The following H2AC16 variants were observed in gnomAD, a reference collection of about 807,000 sequenced individuals.
H2AC16 encodes the protein histone H2A type 1.
In H2AC16, 11 loss-of-function variants were observed where a neutral mutation model predicts 6.6. The observed-to-expected ratio is 1.67, with a 90% CI of 1.05 to 2.77. The LOEUF is 2.77. Among genes scored for constraint, H2AC16 ranks in the 30% most tolerant of loss-of-function variants. H2AC16 has a pLI of 0.00. For synonymous variants in H2AC16, 131 were observed against 80.8 expected (o/e 1.62, Z -3.33); for missense variants, 212 against 177.1 (o/e 1.20, Z -1.12).
rs746511146 is a variant in H2AC16 at position 27,865,458 on chromosome 6, TC to T, written c.106del (p.Arg36AlafsTer24). ...CCCGTGGGCCGAGTGCACCGACTGC[TC>T]CGCAAGGGCAACTATGCTGAGCGGG... Reference protein sequence around the residue: ...QFPVGRVHRLLRKGNYAERVG... With the variant: ...QFPVGRVHRLXRKGNYAERVG... On this transcript the variant is annotated frameshift_variant, in exon 1 of 1. Transcript: ENST00000613174. LOFTEE classifies it high-confidence loss of function. The T allele has an allele frequency of 1.9e-6, 3 of 1,613,834 alleles. No homozygotes were observed. The highest frequency in any genetic ancestry group is 2.5e-6 in the Non-Finnish European group (3 of 1,179,942).
At position 27,865,439 on chromosome 6, in the gene H2AC16, G is replaced by A. The variant is rs1417395042; in HGVS notation, c.85G>A (p.Gly29Ser). The change falls in exon 1 of 1, where the codon GGC (glycine) becomes AGC (serine). Residue 29 changes from glycine to serine, a missense_variant. Physicochemically the swap from Gly to Ser is moderately conservative, Grantham distance 56. Transcript: ENST00000613174. The part of the protein sequence containing the change: ...SSRAGLQFPV[G>S]RVHRLLRKGN... ...TCGTGCCGGTCTCCAGTTCCCCGTG[G>A]GCCGAGTGCACCGACTGCTCCGCAA... 1 of 1,614,000 alleles carries A rather than the reference G, an allele frequency of 6.2e-7. No homozygotes were observed. Among genetic ancestry groups the A allele is most frequent in the Admixed American group, 1.7e-5 (1 of 60,014 alleles).
At position 27,865,768 on chromosome 6, in the gene H2AC16, C is replaced by G. The variant is rs1761488588; in HGVS notation, c.*21C>G. The G allele has an allele frequency of 6.2e-7, 1 of 1,608,690 alleles. No homozygotes were observed. Among genetic ancestry groups the G allele is most frequent in the Admixed American group, 1.7e-5 (1 of 59,730 alleles). The stretch of plus-strand genomic sequence containing the variant: ...AATAATGTCTCCATAGAATCACTTT[C>G]CAATACAACGGCTCTTTTCAGAGCC... On this transcript the variant is annotated 3_prime_UTR_variant, in exon 1 of 1. Coordinates refer to ENST00000613174, the MANE Select transcript of H2AC16 (RefSeq NM_003511.3).
In H2AC16 at chr6:27,865,397, G is replaced by T. The variant is rs764241965; in HGVS notation, c.43G>T (p.Ala15Ser). 1.5e-5 allele frequency: 24 copies of T among 1,613,074 alleles called. No individual in the cohort carries two copies. The highest frequency in any genetic ancestry group is 2.0e-5 in the Non-Finnish European group (23 of 1,179,294). ...GKQGGKARAKAKTRSSRAGLQ... is the reference protein window; with the variant it reads ...GKQGGKARAKSKTRSSRAGLQ... The stretch of plus-strand genomic sequence containing the variant: ...GCAGGGAGGCAAAGCTCGCGCCAAA[G>T]CCAAGACCCGCTCTTCTCGTGCCGG... Residue 15 changes from alanine to serine, a missense_variant, in exon 1 of 1, where the codon GCC (alanine) becomes TCC (serine). By Grantham distance (99) the Ala-to-Ser change is moderately conservative (BLOSUM62 1). Coordinates refer to ENST00000613174, the MANE Select transcript of H2AC16 (RefSeq NM_003511.3).
chr6:27,865,448 C>T lies in H2AC16; in HGVS notation c.94C>T (p.His32Tyr), dbSNP rs1333055793. The change falls in exon 1 of 1, where the codon CAC becomes TAC. Residue 32 changes from histidine (H) to tyrosine (Y), a missense_variant. His to Tyr is a moderately conservative substitution (Grantham distance 83). Transcript: ENST00000613174. ...AGLQFPVGRV[H>Y]RLLRKGNYAE... ...TCTCCAGTTCCCCGTGGGCCGAGTGCACCGACTGCTCCGCAAGGGCAACTA... is the reference window on the plus strand; with the variant it reads ...TCTCCAGTTCCCCGTGGGCCGAGTGTACCGACTGCTCCGCAAGGGCAACTA... 1 of 1,614,038 alleles carries T rather than the reference C, an allele frequency of 6.2e-7. No individual in the cohort carries two copies. The highest frequency in any genetic ancestry group is 8.5e-7 in the Non-Finnish European group (1 of 1,179,946).
rs1252851769 is a variant in H2AC16, at chr6:27,865,474, T to C, written c.120T>C (p.Tyr40=). 5 of 1,614,022 alleles carry C rather than the reference T, an allele frequency of 3.1e-6. No homozygotes were observed. Among genetic ancestry groups the C allele is most frequent in the Admixed American group, 1.7e-5 (1 of 60,014 alleles). ...RVHRLLRKGN[Y]AERVGAGAPV... is the part of the protein sequence containing the mutation. ...ACCGACTGCTCCGCAAGGGCAACTATGCTGAGCGGGTCGGGGCCGGCGCGC... is the reference window on the plus strand; with the variant it reads ...ACCGACTGCTCCGCAAGGGCAACTACGCTGAGCGGGTCGGGGCCGGCGCGC... Residue 40 remains tyrosine (Y), a synonymous_variant, in exon 1 of 1, where the codon TAT becomes TAC. Transcript: ENST00000613174.
Position 27,865,678 on chromosome 6 carries a change from C to T in H2AC16, c.324C>T (p.Val108=), listed in dbSNP as rs1174298510. ...LGKVTIAQGG[V]LPNIQAVLLP... ...AAGTAACCATCGCTCAGGGTGGTGT[C>T]CTGCCCAACATCCAGGCTGTGCTAC... is the stretch of plus-strand genomic sequence containing the variant. Residue 108 remains valine (V), a synonymous_variant, in exon 1 of 1, where the codon GTC becomes GTT. Coordinates refer to ENST00000613174, the MANE Select transcript of H2AC16 (RefSeq NM_003511.3). 1.5e-5 allele frequency: 25 copies of T among 1,614,058 alleles called. No homozygotes were observed. Among genetic ancestry groups the T allele is most frequent in the Non-Finnish European group, 2.1e-5 (25 of 1,180,046 alleles).
At position 27,865,753 on chromosome 6, in the gene H2AC16, C is replaced by T. The variant is rs375707461; in HGVS notation, c.*6C>T. 3 of 1,612,208 alleles carry T rather than the reference C, an allele frequency of 1.9e-6. No individual in the cohort carries two copies. The highest frequency in any genetic ancestry group is 1.7e-5 in the Admixed American group (1 of 59,920). On this transcript the variant is annotated 3_prime_UTR_variant, in exon 1 of 1. Coordinates refer to ENST00000613174, the MANE Select transcript of H2AC16 (RefSeq NM_003511.3). The stretch of plus-strand genomic sequence containing the variant: ...ACAAGGCCAAAGGCAAATAATGTCT[C>T]CATAGAATCACTTTCCAATACAACG...
rs552803151 is a variant in H2AC16 at position 27,865,323 on chromosome 6, T to C, written c.-32T>C. On this transcript the variant is annotated 5_prime_UTR_variant, in exon 1 of 1. Transcript: ENST00000613174. ...AGCTCTGGTGAACTTCTCTCGGCTG[T>C]TCTCAGTTCCTCCATTTATCGTTTC... 6.3e-7 allele frequency: 1 copy of C among 1,578,892 alleles called. No individual in the cohort carries two copies. The highest frequency in any genetic ancestry group is 1.2e-5 in the South Asian group (1 of 85,960).
rs932869497 is a variant in H2AC16, at chr6:27,865,491, C to T, written c.137C>T (p.Ala46Val). The T allele has an allele frequency of 9.3e-6, 15 of 1,613,822 alleles. No individual in the cohort carries two copies. Among genetic ancestry groups the T allele is most frequent in the Admixed American group, 5.0e-5 (3 of 59,998 alleles). ...GGCAACTATGCTGAGCGGGTCGGGGCCGGCGCGCCGGTGTACCTGGCGGCG... is the reference window on the plus strand; with the variant it reads ...GGCAACTATGCTGAGCGGGTCGGGGTCGGCGCGCCGGTGTACCTGGCGGCG... ...RKGNYAERVG[A>V]GAPVYLAAVL... Residue 46 changes from alanine (A) to valine (V), a missense_variant, in exon 1 of 1, where the codon GCC becomes GTC. Physicochemically the swap from Ala to Val is moderately conservative, Grantham distance 64. Coordinates refer to ENST00000613174, the MANE Select transcript of H2AC16 (RefSeq NM_003511.3).
At position 27,865,644 on chromosome 6, in the gene H2AC16, T is replaced by C; in HGVS notation, c.290T>C (p.Leu97Pro). Residue 97 changes from leucine (L) to proline (P), a missense_variant, in exon 1 of 1, where the codon CTG becomes CCG. Coordinates refer to ENST00000613174, the MANE Select transcript of H2AC16 (RefSeq NM_003511.3). ...AIRNDEELNK[L>P]LGKVTIAQGG... is the part of the protein sequence containing the mutation. Reference sequence around the variant, plus strand: ...CGCAACGACGAGGAGCTCAACAAGCTGCTGGGCAAAGTAACCATCGCTCAG... The same window carrying C: ...CGCAACGACGAGGAGCTCAACAAGCCGCTGGGCAAAGTAACCATCGCTCAG... 1 of 1,614,260 alleles carries C rather than the reference T, an allele frequency of 6.2e-7. No homozygotes were observed. The highest frequency in any genetic ancestry group is 8.5e-7 in the Non-Finnish European group (1 of 1,180,042).
In H2AC16 at chr6:27,865,408, C is replaced by G; in HGVS notation, c.54C>G (p.Arg18=). The part of the protein sequence containing the change: ...GGKARAKAKT[R]SSRAGLQFPV... ...AAGCTCGCGCCAAAGCCAAGACCCG[C>G]TCTTCTCGTGCCGGTCTCCAGTTCC... Residue 18 remains arginine (R), a synonymous_variant, in exon 1 of 1, where the codon CGC becomes CGG. Transcript: ENST00000613174. 1.2e-6 allele frequency: 2 copies of G among 1,613,530 alleles called. No individual in the cohort carries two copies. Among genetic ancestry groups the G allele is most frequent in the Middle Eastern group, 1.7e-4 (1 of 6,056 alleles).
In H2AC16 at chr6:27,865,486, C is replaced by T. The variant is rs775345207; in HGVS notation, c.132C>T (p.Val44=). ...LLRKGNYAER[V]GAGAPVYLAA... ...GCAAGGGCAACTATGCTGAGCGGGT[C>T]GGGGCCGGCGCGCCGGTGTACCTGG... The change falls in exon 1 of 1, where the codon GTC becomes GTT. Residue 44 remains valine, a synonymous_variant. Transcript: ENST00000613174. 3.1e-6 allele frequency: 5 copies of T among 1,613,942 alleles called. No homozygotes were observed. Among genetic ancestry groups the T allele is most frequent in the Admixed American group, 1.7e-5 (1 of 60,020 alleles).
chr6:27,865,465 G>C lies in H2AC16; in HGVS notation c.111G>C (p.Lys37Asn). ...GCCGAGTGCACCGACTGCTCCGCAA[G>C]GGCAACTATGCTGAGCGGGTCGGGG... is the stretch of plus-strand genomic sequence containing the variant. ...PVGRVHRLLR[K>N]GNYAERVGAG... Residue 37 changes from lysine to asparagine, a missense_variant, in exon 1 of 1, where the codon AAG becomes AAC. Coordinates refer to ENST00000613174, the MANE Select transcript of H2AC16 (RefSeq NM_003511.3). 6.2e-7 allele frequency: 1 copy of C among 1,614,062 alleles called. No individual in the cohort carries two copies. The highest frequency in any genetic ancestry group is 8.5e-7 in the Non-Finnish European group (1 of 1,179,952).
At position 27,865,515 on chromosome 6, in the gene H2AC16, C is replaced by A. The variant is rs141399242; in HGVS notation, c.161C>A (p.Ala54Glu). The A allele has an allele frequency of 9.3e-6, 15 of 1,614,102 alleles. No individual in the cohort carries two copies. The South Asian group carries it at 1.6e-4, about 18-fold the overall frequency. ...VGAGAPVYLA[A>E]VLEYLTAEIL... ...GCCGGCGCGCCGGTGTACCTGGCGG[C>A]GGTGCTGGAGTACCTGACTGCCGAG... Residue 54 changes from alanine to glutamate, a missense_variant, in exon 1 of 1, where the codon GCG (alanine) becomes GAG (glutamate). By Grantham distance (107) the Ala-to-Glu change is moderately radical. Coordinates refer to ENST00000613174, the MANE Select transcript of H2AC16 (RefSeq NM_003511.3).
chr6:27,865,375 G>C lies in H2AC16; in HGVS notation c.21G>C (p.Gln7His). 1.2e-6 allele frequency: 2 copies of C among 1,608,462 alleles called. No individual in the cohort carries two copies. The highest frequency in any genetic ancestry group is 2.2e-5 in the South Asian group (2 of 90,852). MSGRGK[Q>H]GGKARAKAKT... The stretch of plus-strand genomic sequence containing the variant: ...TCGTCATGTCGGGACGCGGCAAGCA[G>C]GGAGGCAAAGCTCGCGCCAAAGCCA... Residue 7 changes from glutamine (Q) to histidine (H), a missense_variant, in exon 1 of 1, where the codon CAG (glutamine) becomes CAC (histidine). Coordinates refer to ENST00000613174, the MANE Select transcript of H2AC16 (RefSeq NM_003511.3).
Sources: allele counts gnomAD v4.1 joint callset, GRCh38; gene constraint gnomAD v4.1.1; transcripts MANE v1.5; gene names NCBI Gene and HGNC (gene_info 2026-07-23, HGNC 2026-07-21).